Variants in ARHGAP8 observed in about 807,000 individuals in gnomAD.
ARHGAP8 encodes the protein rho GTPase-activating protein 8.
In ARHGAP8, 62 loss-of-function variants were observed where a neutral mutation model predicts 46.1. The observed-to-expected ratio is 1.34, with a 90% confidence interval of 1.10 to 1.66. ARHGAP8 has a LOEUF of 1.66. Among genes scored for constraint, ARHGAP8 ranks in the 40% most tolerant of loss-of-function variants. The pLI is 0.00. For synonymous variants in ARHGAP8, 375 were observed against 243.1 expected, an observed-to-expected ratio of 1.54 and a Z score of -5.05; for missense variants, 923 against 568.4, an observed-to-expected ratio of 1.62 and a Z score of -6.34.
intron 11 of ARHGAP8, among the ~76,000 whole-genome samples, 184 bp downstream of exon 11, chr22:44,860,018 GA>G (rs149319355): frequency 0.51 from 77,088 of 151,688 alleles, 20,072 homozygotes; most frequent in Admixed American, 0.62. Flanking sequence ...TGCTGCTGCG[GA>G]CCTCCTGCCT....
intron 5 of ARHGAP8, among the ~76,000 whole-genome samples, chr22:44,820,789 G>A (rs920906924): frequency 6.6e-6 from 1 of 152,098 alleles, no homozygotes; most frequent in African/African-American, 2.4e-5. Context: ...ATTCTTTCTC[G>A]TCCACTAGGG....
chr22:44,857,752 C>T lies in ARHGAP8; in HGVS notation c.878-1979C>T, dbSNP rs561189948. Among the ~76,000 whole-genome samples the T allele has an allele frequency of 4.6e-5, 7 of 152,260 alleles. No homozygotes were observed. In the South Asian group the frequency reaches 1.2e-3, roughly 27 times the overall value. On this transcript the variant is annotated intron_variant, in intron 10 of 11. Coordinates refer to ENST00000356099, the MANE Select transcript of ARHGAP8 (RefSeq NM_181335.3). ...CAGAGAGTCCTCGAGGCCCAGCCTCCCACATGCAAGCTGTGTGACCTCGGG... is the reference window on the plus strand; with the variant it reads ...CAGAGAGTCCTCGAGGCCCAGCCTCTCACATGCAAGCTGTGTGACCTCGGG...
In ARHGAP8 at chr22:44,862,535, G is replaced by T. The variant is rs367955730; in HGVS notation, c.1242G>T (p.Thr414=). ...AGGCTGTGCCACGGACACAAGCCAC[G>T]GGCCTCACCAAGCCTACCCTACCTC... The part of the protein sequence containing the change: ...LQEAVPRTQA[T]GLTKPTLPPS... Residue 414 remains threonine (T), a synonymous_variant, in exon 12 of 12, where the codon ACG becomes ACT. Transcript: ENST00000356099. 1.3e-5 allele frequency: 21 copies of T among 1,609,186 alleles called. No individual in the cohort carries two copies. Among genetic ancestry groups the T allele is most frequent in the South Asian group, 9.9e-5 (9 of 90,894 alleles).
In ARHGAP8 at chr22:44,780,249, C is replaced by T. The variant is rs1396746412; in HGVS notation, c.-71-6208C>T. On this transcript the variant is annotated intron_variant, in intron 1 of 11. Coordinates refer to ENST00000356099, the MANE Select transcript of ARHGAP8 (RefSeq NM_181335.3). The stretch of plus-strand genomic sequence containing the variant: ...GTGCACAGCTGTGGTCTCAGCTACT[C>T]AGGAGGCTGAGGCAAGAGGATCTCT... Among the ~76,000 whole-genome samples the T allele has an allele frequency of 3.3e-5, 5 of 152,344 alleles. No homozygotes were observed. The South Asian group carries it at 8.3e-4, about 25-fold the overall frequency.
At chr22:44,778,642 C>T (rs1926595662) in intron 1 of ARHGAP8, among the ~76,000 whole-genome samples, 1 of 152,172 alleles carries the variant, frequency 6.6e-6, no homozygotes, top group Admixed American at 6.5e-5. Context: ...ATATTCCTGC[C>T]AGCTGTGTAG....
intron 1 of ARHGAP8, among the ~76,000 whole-genome samples, chr22:44,755,010 CA>C (rs769454434): frequency 3.3e-5 from 5 of 152,156 alleles, no homozygotes; most frequent in African/African-American, 4.8e-5. Context: ...TCCTCATCTG[CA>C]AAAGGAGCTA....
At chr22:44,839,603 T>C (rs1168797326) in intron 7 of ARHGAP8, among the ~76,000 whole-genome samples, 1 of 152,194 alleles carries the variant, frequency 6.6e-6, no homozygotes, top group South Asian at 2.1e-4. Context: ...ACCTCTCAAT[T>C]GTGGGACCTT....
chr22:44,850,541 C>T (rs544447306), intron 10 of ARHGAP8: 1 of 152,218 alleles, frequency 6.6e-6, no homozygotes, highest in Non-Finnish European at 1.5e-5. Context: ...GATGATGACT[C>T]CAGCCTCTGT....
intron 4 of ARHGAP8, chr22:44,809,772 G>A (rs1929207963): frequency 6.5e-6 from 1 of 152,680 alleles, no homozygotes; most frequent in African/African-American, 2.4e-5. Context: ...ATTCCTCTGG[G>A]TTTTCCTTCT....
intron 7 of ARHGAP8, among the ~76,000 whole-genome samples, chr22:44,844,191 T>G (rs1291267658): frequency 6.6e-6 from 1 of 152,134 alleles, no homozygotes; most frequent in Non-Finnish European, 1.5e-5. Flanking sequence ...AGGCTAGGCT[T>G]GAACTCCTGA....
intron 10 of ARHGAP8, among the ~76,000 whole-genome samples, chr22:44,855,062 A>C (rs1203544829): frequency 6.6e-6 from 1 of 152,234 alleles, no homozygotes; most frequent in African/African-American, 2.4e-5. Flanking sequence ...GAGCTTTAGA[A>C]ATGTTTTATA....
chr22:44,808,604 GC>G, intron 4 of ARHGAP8, 166 bp downstream of exon 4: 2 of 1,313,176 alleles, frequency 1.5e-6, no homozygotes. Flanking sequence ...TCCCCTCTGG[GC>G]CAAGCTCTGG....
At chr22:44,807,733 G>A (rs1489576125) in intron 3 of ARHGAP8, among the ~76,000 whole-genome samples, 2 of 152,218 alleles carry the variant, frequency 1.3e-5, no homozygotes, top group Non-Finnish European at 2.9e-5. Flanking sequence ...TGTGGCCAGG[G>A]CCGTGCTCCC....
At chr22:44,812,601 C>T (rs778534614) in intron 4 of ARHGAP8, among the ~76,000 whole-genome samples, 20 of 151,996 alleles carry the variant, frequency 1.3e-4, no homozygotes, top group Admixed American at 3.9e-4. Flanking sequence ...GTGATCCGCC[C>T]GCCTCAGCCT....
intron 7 of ARHGAP8, among the ~76,000 whole-genome samples, chr22:44,839,517 G>T (rs1312683574): frequency 6.6e-6 from 1 of 152,164 alleles, no homozygotes; most frequent in African/African-American, 2.4e-5. Flanking sequence ...CTGACATAGA[G>T]ACGTTCCCAG....
chr22:44,819,160 C>G (rs1433035591), intron 5 of ARHGAP8, among the ~76,000 whole-genome samples: 2 of 152,194 alleles, frequency 1.3e-5, no homozygotes, highest in African/African-American at 4.8e-5. Flanking sequence ...CCTCGAACTC[C>G]TGGACTCAGG....
intron 1 of ARHGAP8, among the ~76,000 whole-genome samples, chr22:44,779,812 A>G (rs5765004): frequency 0.87 from 131,658 of 151,890 alleles, 57,107 homozygotes; most frequent in Non-Finnish European, 0.89. Context: ...CGGTTGATCC[A>G]CCTGCCTCGG....
At chr22:44,822,884 G>C (rs1047367448) in intron 6 of ARHGAP8, among the ~76,000 whole-genome samples, 1 of 152,208 alleles carries the variant, frequency 6.6e-6, no homozygotes, top group Non-Finnish European at 1.5e-5. Context: ...CCTGTCTCCT[G>C]GATGCTGAAA....
At chr22:44,821,639 C>T (rs778730596) in intron 5 of ARHGAP8, among the ~76,000 whole-genome samples, 1 of 152,204 alleles carries the variant, frequency 6.6e-6, no homozygotes, top group African/African-American at 2.4e-5. Flanking sequence ...TTACTAATAG[C>T]AGTCGTCACA....
Sources: gnomAD v4.1 joint callset for allele counts (sites outside exome capture counted in the v4.1 genomes callset) on GRCh38, gnomAD v4.1.1 for gene constraint, MANE v1.5 for transcripts, NCBI Gene and HGNC (gene_info 2026-07-23, HGNC 2026-07-21) for gene names.